DLC1: variants seen among roughly 807,000 people sequenced by gnomAD.
DLC1 encodes the protein DLC1 Rho GTPase activating protein.
In DLC1, 54 loss-of-function variants were observed where a neutral mutation model predicts 140.3. The ratio of observed to expected loss-of-function variants is 0.38; its 90% CI spans 0.31 to 0.48. The LOEUF is 0.48. Ranked by LOEUF, DLC1 falls within the 20% of genes least tolerant of loss-of-function variation. The probability of loss-of-function intolerance (pLI) is 0.96; values close to 1 mark genes in which losing one functional copy is unlikely to be tolerated. For synonymous variants in DLC1, 986 were observed against 728.1 expected (o/e 1.35, Z -5.70); for missense variants, 2,536 against 1,907.0 (o/e 1.33, Z -6.14).
In DLC1 at chr8:13,085,657, T is replaced by C; in HGVS notation, c.*154A>G. On this transcript the variant is annotated 3_prime_UTR_variant, in exon 18 of 18. Coordinates refer to ENST00000276297, the MANE Select transcript of DLC1 (RefSeq NM_182643.3). ...GACCCTCAACAAACAGGAAGCAGCT[T>C]TAAAAATGTATCAAATTGCTATAGT... 8.2e-7 allele frequency: 1 copy of C among 1,218,604 alleles called. No individual in the cohort carries two copies. Among genetic ancestry groups the C allele is most frequent in the Non-Finnish European group, 1.1e-6 (1 of 895,814 alleles). The allele number at this position is 1,218,604 out of a possible 1,614,324, so 75.5% of individuals were successfully genotyped here.
At chr8:13,358,092 G>C (rs1482658124) in intron 4 of DLC1, among the ~76,000 whole-genome samples, 2 of 152,106 alleles carry the variant, frequency 1.3e-5, no homozygotes, top group African/African-American at 4.8e-5. Flanking sequence ...AAAGTTGAAA[G>C]GCTAATCCTG....
intron 2 of DLC1, among the ~76,000 whole-genome samples, chr8:13,470,786 G>A (rs975662983): frequency 1.3e-5 from 2 of 152,148 alleles, no homozygotes; most frequent in African/African-American, 4.8e-5. Flanking sequence ...ATATACAAAG[G>A]AAAGGAAATC....
intron 2 of DLC1, among the ~76,000 whole-genome samples, chr8:13,441,719 C>T (rs889514991): frequency 6.6e-6 from 1 of 152,024 alleles, no homozygotes; most frequent in African/African-American, 2.4e-5. Flanking sequence ...AGGATACAAA[C>T]AAATGGAGGA....
intron 5 of DLC1, among the ~76,000 whole-genome samples, chr8:13,223,427 T>A (rs1828652289): frequency 1.3e-5 from 2 of 152,228 alleles, no homozygotes; most frequent in Admixed American, 1.3e-4. Flanking sequence ...AGCCTTTCTT[T>A]TTGTGTTTAT....
chr8:13,113,919 TA>T (rs1820322047), intron 6 of DLC1, among the ~76,000 whole-genome samples: 1 of 152,238 alleles, frequency 6.6e-6, no homozygotes, highest in African/African-American at 2.4e-5. Flanking sequence ...CTAGGCTACA[TA>T]AGGAAGACCG....
At chr8:13,362,224 A>T (rs562872662) in intron 4 of DLC1, among the ~76,000 whole-genome samples, 2 of 152,318 alleles carry the variant, frequency 1.3e-5, no homozygotes, top group Admixed American at 1.3e-4. Flanking sequence ...ATGACACTTC[A>T]TAGGATGTGG....
At chr8:13,495,006 A>G (rs1801438090) in intron 2 of DLC1, among the ~76,000 whole-genome samples, 1 of 152,126 alleles carries the variant, frequency 6.6e-6, no homozygotes, top group African/African-American at 2.4e-5. Context: ...CCTAACATTC[A>G]TTTAATTTGT....
chr8:13,116,167 G>A (rs1820542685), intron 5 of DLC1: 2 of 986,202 alleles, frequency 2.0e-6, no homozygotes, highest in Non-Finnish European at 2.4e-6. Flanking sequence ...TCACTGTTGC[G>A]TGATCAGGTA....
chr8:13,554,764 C>A (rs1308518446), intron 1 of DLC1, among the ~76,000 whole-genome samples: 2 of 152,178 alleles, frequency 1.3e-5, no homozygotes, highest in East Asian at 1.9e-4. Flanking sequence ...TGCTCTGGTT[C>A]TCATTCCACC....
chr8:13,167,357 T>C (rs1825174879), intron 5 of DLC1, among the ~76,000 whole-genome samples: 2 of 152,292 alleles, frequency 1.3e-5, no homozygotes, highest in South Asian at 2.1e-4. Flanking sequence ...GGGGACTCTT[T>C]AGTAAGCGAC....
intron 5 of DLC1, among the ~76,000 whole-genome samples, chr8:13,154,465 C>G (rs1001040278): frequency 6.6e-6 from 1 of 152,226 alleles, no homozygotes; most frequent in East Asian, 1.9e-4. Context: ...CTGCCCAGGG[C>G]CGGCGGTGCC....
At chr8:13,566,905 A>C in intron 1 of DLC1, 2 of 1,438,964 alleles carry the variant, frequency 1.4e-6, no homozygotes, top group Middle Eastern at 2.1e-4. Context: ...ATTGAGATCC[A>C]TTCCCGGAGG....
rs186763613 is a variant in DLC1, at chr8:13,284,587, C to T, written c.1348+20682G>A. Among the ~76,000 whole-genome samples, 498 of 145,808 alleles carry T rather than the reference C, an allele frequency of 3.4e-3. 4 individuals carry two copies. Among genetic ancestry groups the T allele is most frequent in the African/African-American group, 0.012 (466 of 37,580 alleles). On this transcript the variant is annotated intron_variant, in intron 5 of 17. Transcript: ENST00000276297. Reference sequence around the variant, plus strand: ...CAATAGAAAGCCCTGAAATTAAAAACCAACAAACAGTTTAGAAGAACAAAA... The same window carrying T: ...CAATAGAAAGCCCTGAAATTAAAAATCAACAAACAGTTTAGAAGAACAAAA...
chr8:13,496,858 T>C (rs1209749504), intron 2 of DLC1, among the ~76,000 whole-genome samples: 6 of 139,546 alleles, frequency 4.3e-5, no homozygotes, highest in East Asian at 2.5e-4. Flanking sequence ...TGGAGTGCAG[T>C]GGTGCAATCT....
At chr8:13,406,009 C>CT (rs541288501) in intron 2 of DLC1, among the ~76,000 whole-genome samples, 138 of 73,498 alleles carry the variant, frequency 1.9e-3, no homozygotes, top group South Asian at 5.9e-3. Context: ...TATTCTTCTT[C>CT]TTTTTTTTTT....
chr8:13,581,793 T>G (rs1328117185), intron 1 of DLC1, among the ~76,000 whole-genome samples: 1 of 152,214 alleles, frequency 6.6e-6, no homozygotes, highest in African/African-American at 2.4e-5. Context: ...CTCCGTGATT[T>G]GTCCTCTGCC....
At chr8:13,419,850 C>A (rs973844496) in intron 2 of DLC1, among the ~76,000 whole-genome samples, 3 of 152,006 alleles carry the variant, frequency 2.0e-5, no homozygotes, top group African/African-American at 7.2e-5. Context: ...TCCTGGACTC[C>A]TTTTGGTTGG....
chr8:13,255,105 T>C (rs1830164734), intron 5 of DLC1, among the ~76,000 whole-genome samples: 1 of 152,056 alleles, frequency 6.6e-6, no homozygotes, highest in Non-Finnish European at 1.5e-5. Flanking sequence ...GCCTCCCCAG[T>C]AGCTGGGATT....
intron 1 of DLC1, among the ~76,000 whole-genome samples, chr8:13,594,314 A>C (rs1805617328): frequency 6.6e-6 from 1 of 152,110 alleles, no homozygotes; most frequent in African/African-American, 2.4e-5. Context: ...ACACTGACAG[A>C]CCTTTCAATG....
Sources: gnomAD v4.1 joint callset for allele counts (sites outside exome capture counted in the v4.1 genomes callset) on GRCh38, gnomAD v4.1.1 for gene constraint, MANE v1.5 for transcripts, NCBI Gene and HGNC (gene_info 2026-07-23, HGNC 2026-07-21) for gene names.